Variants in PLXDC2 observed in about 807,000 individuals in gnomAD.
The protein encoded by PLXDC2 is plexin domain containing 2, also known as plexin domain-containing protein 2.
A neutral mutation model predicts 68.9 loss-of-function variants in PLXDC2; 40 were observed. The observed-to-expected ratio is 0.58, with a 90% confidence interval of 0.45 to 0.76. The LOEUF (loss-of-function observed/expected upper bound fraction) is 0.76. Ranked by LOEUF, PLXDC2 falls within the 30% of genes least tolerant of loss-of-function variation. The probability of loss-of-function intolerance (pLI) is 0.00; values close to 1 mark genes in which losing one functional copy is unlikely to be tolerated. For synonymous variants in PLXDC2, 243 were observed against 234.2 expected, an observed-to-expected ratio of 1.04 and a Z score of -0.34; for missense variants, 644 against 661.9, an observed-to-expected ratio of 0.97 and a Z score of 0.30.
chr10:20,002,227 G>A (rs1454012649), intron 2 of PLXDC2, among the ~76,000 whole-genome samples: 2 of 151,212 alleles, frequency 1.3e-5, no homozygotes, highest in Non-Finnish European at 2.9e-5. Flanking sequence ...CATCAATACT[G>A]TGCCTGCTCT....
chr10:19,843,637 G>A (rs1469473436), intron 1 of PLXDC2, among the ~76,000 whole-genome samples: 1 of 152,066 alleles, frequency 6.6e-6, no homozygotes, highest in Non-Finnish European at 1.5e-5. Context: ...TAGAACTGGA[G>A]GTCATTATAT....
intron 9 of PLXDC2, among the ~76,000 whole-genome samples, chr10:20,199,891 T>A (rs1465171439): frequency 6.6e-6 from 1 of 151,786 alleles, no homozygotes; most frequent in Non-Finnish European, 1.5e-5. Context: ...GTCATCTATT[T>A]GGGGAAAAAA....
chr10:20,096,914 A>T (rs1833356379), intron 4 of PLXDC2, among the ~76,000 whole-genome samples: 1 of 152,168 alleles, frequency 6.6e-6, no homozygotes, highest in African/African-American at 2.4e-5. Flanking sequence ...TCTTTCCTAC[A>T]TTAAAAAAAG....
intron 1 of PLXDC2, among the ~76,000 whole-genome samples, chr10:19,874,664 C>T (rs1382699035): frequency 6.6e-6 from 1 of 152,100 alleles, no homozygotes; most frequent in Non-Finnish European, 1.5e-5. Flanking sequence ...AATTTTCTTT[C>T]TAGGAGCTGG....
chr10:19,924,705 C>T (rs1053004074), intron 1 of PLXDC2, among the ~76,000 whole-genome samples: 1 of 152,174 alleles, frequency 6.6e-6, no homozygotes, highest in Non-Finnish European at 1.5e-5. Context: ...GAAAAGATGA[C>T]AGATACCTTG....
At chr10:20,279,561 A>T (rs965362552) in intron 13 of PLXDC2, 142 bp from the exon 14 acceptor site, 5 of 682,488 alleles carry the variant, frequency 7.3e-6, no homozygotes, top group Non-Finnish European at 1.2e-5. Context: ...GGAATTCTTA[A>T]TTCTGACTGT....
Position 20,162,909 on chromosome 10 carries a change from C to CAAAA in PLXDC2, c.784-1541_784-1538dup, listed in dbSNP as rs71390763. Among the ~76,000 whole-genome samples, 34 of 98,052 alleles carry CAAAA rather than the reference C, an allele frequency of 3.5e-4. 1 individual carries two copies. Among genetic ancestry groups the CAAAA allele is most frequent in the African/African-American group, 1.0e-3 (25 of 24,590 alleles). The allele number at this position is 98,052 out of a possible 152,430, so 64.3% of individuals were successfully genotyped here. ...TGAAACCCCATCTCTACTAAAAATA[C>CAAAA]AAAAAAAAAAAAAAAAAAAAATCCA... On this transcript the variant is annotated intron_variant, in intron 6 of 13. Coordinates refer to ENST00000377252, the MANE Select transcript of PLXDC2 (RefSeq NM_032812.9).
intron 13 of PLXDC2, among the ~76,000 whole-genome samples, chr10:20,252,360 A>G (rs1226598594): frequency 2.6e-5 from 4 of 152,208 alleles, no homozygotes; most frequent in Non-Finnish European, 5.9e-5. Context: ...TACATGTTGA[A>G]ATGATAGTAT....
chr10:20,147,251 A>G (rs1420219305), intron 5 of PLXDC2, among the ~76,000 whole-genome samples: 4 of 152,348 alleles, frequency 2.6e-5, no homozygotes, highest in South Asian at 2.1e-4. Flanking sequence ...AAGAAACACA[A>G]CAAAGACAGA....
At chr10:20,037,741 G>A (rs547882584) in intron 2 of PLXDC2, among the ~76,000 whole-genome samples, 1 of 152,156 alleles carries the variant, frequency 6.6e-6, no homozygotes, top group Non-Finnish European at 1.5e-5. Context: ...CAAGGGTATT[G>A]TGCTTTCATG....
chr10:19,825,362 G>A (rs1157115254), intron 1 of PLXDC2, among the ~76,000 whole-genome samples: 1 of 152,132 alleles, frequency 6.6e-6, no homozygotes, highest in African/African-American at 2.4e-5. Context: ...ATATTTGAAA[G>A]TCAATTCTCT....
chr10:19,934,116 C>G (rs896120622), intron 1 of PLXDC2, among the ~76,000 whole-genome samples: 1 of 152,132 alleles, frequency 6.6e-6, no homozygotes, highest in Non-Finnish European at 1.5e-5. Context: ...CATTGGGATA[C>G]CACTTCATTA....
intron 10 of PLXDC2, among the ~76,000 whole-genome samples, chr10:20,211,952 C>A (rs1180111878): frequency 6.6e-6 from 1 of 151,920 alleles, no homozygotes; most frequent in Non-Finnish European, 1.5e-5. Flanking sequence ...TTGCTACAAC[C>A]CCTAATAGAT....
chr10:19,859,694 C>CT (rs1409637799), intron 1 of PLXDC2, among the ~76,000 whole-genome samples: 1 of 152,026 alleles, frequency 6.6e-6, no homozygotes, highest in East Asian at 1.9e-4. Context: ...GGATTTTTAA[C>CT]TTTTTAAGAT....
At chr10:20,149,738 A>G (rs747090904) in intron 6 of PLXDC2, among the ~76,000 whole-genome samples, 61 of 152,278 alleles carry the variant, frequency 4.0e-4, no homozygotes, top group Non-Finnish European at 6.0e-4. Flanking sequence ...AGGTCCCTAC[A>G]GAAGACATGA....
chr10:19,991,211 A>C (rs1589573698), intron 1 of PLXDC2, among the ~76,000 whole-genome samples: 1 of 150,400 alleles, frequency 6.6e-6, no homozygotes, highest in Non-Finnish European at 1.5e-5. Flanking sequence ...ATGCCATTGC[A>C]CTCTAGCCTG....
chr10:20,219,014 C>T (rs980829339), intron 11 of PLXDC2, 50 bp from the exon 12 acceptor site: 3 of 1,592,432 alleles, frequency 1.9e-6, no homozygotes, highest in Non-Finnish European at 8.6e-7. Context: ...ATTTATGCTC[C>T]TTTGAAATCA....
chr10:20,195,763 TC>T (rs1453031949), intron 9 of PLXDC2, among the ~76,000 whole-genome samples: 3 of 152,114 alleles, frequency 2.0e-5, no homozygotes, highest in African/African-American at 7.2e-5. Context: ...AAATTTGCTA[TC>T]TTGGCAGAAC....
intron 4 of PLXDC2, among the ~76,000 whole-genome samples, chr10:20,088,650 A>G (rs1833233853): frequency 6.6e-6 from 1 of 152,154 alleles, no homozygotes; most frequent in Non-Finnish European, 1.5e-5. Flanking sequence ...TTAAAGGGCA[A>G]TCTATGAAAT....
Sources: allele counts gnomAD v4.1 joint callset (sites outside exome capture counted in the v4.1 genomes callset), GRCh38; gene constraint gnomAD v4.1.1; transcripts MANE v1.5; gene names NCBI Gene and HGNC (gene_info 2026-07-23, HGNC 2026-07-21).